The following TMEM177 variants were observed in gnomAD, a reference collection of about 807,000 sequenced individuals.
TMEM177 encodes the protein transmembrane protein 177.
TMEM177 carries 4 observed loss-of-function variants against 14.2 expected under a neutral mutation model. The observed-to-expected ratio is 0.28, with a 90% CI of 0.14 to 0.64. The LOEUF (loss-of-function observed/expected upper bound fraction) is 0.64. Ranked by LOEUF, TMEM177 falls within the 30% of genes least tolerant of loss-of-function variation. The pLI is 0.82. For synonymous variants in TMEM177, 179 were observed against 174.5 expected (o/e 1.03, Z -0.20); for missense variants, 344 against 405.2 (o/e 0.85, Z 1.30).
downstream of TMEM177, chr2:119,685,933 C>A: frequency 1.8e-6 from 1 of 541,062 alleles, no homozygotes; most frequent in Non-Finnish European, 3.3e-6. Flanking sequence ...GAGGAGACCC[C>A]TCCAGCTAAC....
downstream of TMEM177, among the ~76,000 whole-genome samples, chr2:119,688,369 G>C (rs767864198): frequency 6.6e-6 from 1 of 152,166 alleles, no homozygotes; most frequent in Non-Finnish European, 1.5e-5. Context: ...TAACGACAGG[G>C]ATATGTTCTG....
chr2:119,680,229 T>C (rs1688858594), intron 1 of TMEM177, among the ~76,000 whole-genome samples: 1 of 152,172 alleles, frequency 6.6e-6, no homozygotes, highest in Admixed American at 6.5e-5. Context: ...CTTAAATATA[T>C]GAACTGGGGA....
chr2:119,688,515 C>T (rs539522214), downstream of TMEM177, among the ~76,000 whole-genome samples: 5 of 152,276 alleles, frequency 3.3e-5, no homozygotes, highest in African/African-American at 7.2e-5. Flanking sequence ...CTGTAAAGCA[C>T]GTTGTTGTGC....
At position 119,682,043 on chromosome 2, in the gene TMEM177, T is replaced by G. The variant is rs1688921816; in HGVS notation, c.*254T>G. The G allele has an allele frequency of 2.1e-6, 1 of 472,838 alleles. No individual in the cohort carries two copies. Among genetic ancestry groups the G allele is most frequent in the Non-Finnish European group, 3.9e-6 (1 of 259,414 alleles). The allele number at this position is 472,838 out of a possible 1,614,324, so 29.3% of individuals were successfully genotyped here. ...GATGATGTAAACCGCCTTGCAAGAT[T>G]GTAGAGTTGGGTAAGGTCATGAACA... On this transcript the variant is annotated 3_prime_UTR_variant, in exon 2 of 2. Transcript: ENST00000272521.
the TMEM177 span, chr2:119,699,134 AAAC>A: frequency 6.3e-6 from 1 of 158,480 alleles, no homozygotes; most frequent in African/African-American, 2.4e-5. Flanking sequence ...ACACTGCCAT[AAAC>A]AACTGCCCCA....
downstream of TMEM177, among the ~76,000 whole-genome samples, chr2:119,691,467 T>C (rs1689093723): frequency 6.6e-6 from 1 of 152,082 alleles, no homozygotes; most frequent in South Asian, 2.1e-4. Context: ...TTTGGAGATG[T>C]CTCAGGTGGC....
chr2:119,694,675 A>G, the TMEM177 span, among the ~76,000 whole-genome samples: 1 of 152,238 alleles, frequency 6.6e-6, no homozygotes, highest in African/African-American at 2.4e-5. Flanking sequence ...TCCCCGCGAA[A>G]GCATTTGAGA....
downstream of TMEM177, among the ~76,000 whole-genome samples, chr2:119,689,047 G>A (rs1474781054): frequency 6.6e-6 from 1 of 152,196 alleles, no homozygotes; most frequent in Non-Finnish European, 1.5e-5. Flanking sequence ...TGAAGTCTGA[G>A]GCCCATCCTC....
chr2:119,694,254 G>A, the TMEM177 span, among the ~76,000 whole-genome samples: 1 of 141,992 alleles, frequency 7.0e-6, no homozygotes, highest in Non-Finnish European at 1.6e-5. Context: ...CCACACATGT[G>A]CAACATACTA....
chr2:119,679,889 T>C (rs1432198254), intron 1 of TMEM177, among the ~76,000 whole-genome samples: 1 of 152,242 alleles, frequency 6.6e-6, no homozygotes, highest in Non-Finnish European at 1.5e-5. Context: ...GTTAGCTTGC[T>C]AGAGCTGCCA....
the TMEM177 span, among the ~76,000 whole-genome samples, chr2:119,703,611 T>G: frequency 6.6e-6 from 1 of 152,230 alleles, no homozygotes; most frequent in Non-Finnish European, 1.5e-5. Flanking sequence ...TCTCCATTCG[T>G]TCTTCCAGAA....
At chr2:119,690,946 A>G (rs1689085244), downstream of TMEM177, among the ~76,000 whole-genome samples, 1 of 152,180 alleles carries the variant, frequency 6.6e-6, no homozygotes, top group African/African-American at 2.4e-5. Context: ...GGACACCCTC[A>G]CTTTCCCAGG....
downstream of TMEM177, among the ~76,000 whole-genome samples, chr2:119,683,771 TGTGTGTGCGC>T (rs1352007781): frequency 2.0e-3 from 304 of 152,274 alleles, 2 homozygotes; most frequent in African/African-American, 7.0e-3. Context: ...TGTGTGTGCG[TGTGTGTGCGC>T]GTGCATTGCT....
At position 119,681,217 on chromosome 2, in the gene TMEM177, G is replaced by A. The variant is rs372535697; in HGVS notation, c.364G>A (p.Val122Met). The A allele has an allele frequency of 1.8e-5, 29 of 1,614,136 alleles. No homozygotes were observed. The African/African-American group carries it at 2.3e-4, about 13-fold the overall frequency. The change falls in exon 2 of 2, where the codon GTG (valine) becomes ATG (methionine). Residue 122 changes from valine (V) to methionine (M), a missense_variant. Coordinates refer to ENST00000272521, the MANE Select transcript of TMEM177 (RefSeq NM_030577.3). The stretch of plus-strand genomic sequence containing the variant: ...CCTAGTGATCAACACTAACCATCCC[G>A]TGGTCATACATGGGCATACAGTGGA... The part of the protein sequence containing the change: ...GDLVINTNHP[V>M]VIHGHTVDWR...
At chr2:119,715,482 C>T in the TMEM177 span, among the ~76,000 whole-genome samples, 1 of 152,158 alleles carries the variant, frequency 6.6e-6, no homozygotes, top group Non-Finnish European at 1.5e-5. Context: ...GATTTGCATT[C>T]ATCTCCTCAC....
chr2:119,691,366 A>G (rs1689092564), downstream of TMEM177, among the ~76,000 whole-genome samples: 1 of 152,136 alleles, frequency 6.6e-6, no homozygotes, highest in Non-Finnish European at 1.5e-5. Flanking sequence ...TTAAAGCCTG[A>G]GGAAACGGAG....
the TMEM177 span, among the ~76,000 whole-genome samples, chr2:119,713,938 T>C: frequency 6.6e-6 from 1 of 152,364 alleles, no homozygotes; most frequent in African/African-American, 2.4e-5. Flanking sequence ...TTCTATGGAC[T>C]GTCTTCCCTC....
downstream of TMEM177, among the ~76,000 whole-genome samples, chr2:119,689,123 CCTT>C (rs1441931128): frequency 8.5e-5 from 13 of 152,316 alleles, no homozygotes; most frequent in African/African-American, 2.9e-4. Flanking sequence ...TCTATCCCCT[CCTT>C]CTTTGTCCTT....
the TMEM177 span, among the ~76,000 whole-genome samples, chr2:119,691,646 A>T: frequency 6.6e-6 from 1 of 152,166 alleles, no homozygotes; most frequent in African/African-American, 2.4e-5. Context: ...CTGTTCAGGA[A>T]GTGTTTGCTG....
Sources: gnomAD v4.1 joint callset for allele counts (sites outside exome capture counted in the v4.1 genomes callset) on GRCh38, gnomAD v4.1.1 for gene constraint, MANE v1.5 for transcripts, NCBI Gene and HGNC (gene_info 2026-07-23, HGNC 2026-07-21) for gene names.